The following CAMTA1 variants were observed in gnomAD, a reference collection of about 807,000 sequenced individuals.
The protein encoded by CAMTA1 is calmodulin-binding transcription activator 1.
In CAMTA1, 27 loss-of-function variants were observed where a neutral mutation model predicts 170.9. The observed-to-expected ratio is 0.16, with a 90% CI of 0.12 to 0.22. CAMTA1 has a LOEUF of 0.22. Ranked by LOEUF, CAMTA1 falls within the 10% of genes least tolerant of loss-of-function variation. The pLI is 1.00. For missense variants in CAMTA1, 1,619 were observed against 2,217.2 expected (o/e 0.73, Z 5.42); for synonymous variants, 833 against 891.5 (o/e 0.93, Z 1.17).
chr1:7,137,567 G>A (rs1014538058), intron 4 of CAMTA1, among the ~76,000 whole-genome samples: 1 of 152,168 alleles, frequency 6.6e-6, no homozygotes, highest in African/African-American at 2.4e-5. Flanking sequence ...GTCTGTACCT[G>A]TGCCAAACAA....
At position 7,755,654 on chromosome 1, in the gene CAMTA1, A is replaced by G. The variant is rs148925486; in HGVS notation, c.4975A>G (p.Arg1659Gly). Residue 1659 changes from arginine (R) to glycine (G), a missense_variant, in exon 22 of 23, where the codon AGG (arginine) becomes GGG (glycine). Physicochemically the swap from Arg to Gly is moderately radical, Grantham distance 125 (BLOSUM62 -2). This residue lies in a region of CAMTA1 where 128 missense variants were observed against 213.5 expected (regional missense o/e 0.60). Transcript: ENST00000303635. ...RCRHSPLVDHRLYKRSERIEK... is the reference protein window; with the variant it reads ...RCRHSPLVDHGLYKRSERIEK... Reference sequence around the variant, plus strand: ...TGTCTAAAGCCCCCTGGTGGACCATAGGCTGTACAAAAGGGTGAGTTTAGC... The same window carrying G: ...TGTCTAAAGCCCCCTGGTGGACCATGGGCTGTACAAAAGGGTGAGTTTAGC... 15 of 1,613,838 alleles carry G rather than the reference A, an allele frequency of 9.3e-6. No homozygotes were observed. In the African/African-American group the frequency reaches 1.6e-4, roughly 17 times the overall value.
At chr1:6,819,714 A>G (rs1469435783) in intron 1 of CAMTA1, among the ~76,000 whole-genome samples, 2 of 152,238 alleles carry the variant, frequency 1.3e-5, no homozygotes, top group African/African-American at 2.4e-5. Flanking sequence ...TTTCCCCCTG[A>G]GCCATTTGAG....
At chr1:6,816,350 G>C (rs1645811741) in intron 1 of CAMTA1, among the ~76,000 whole-genome samples, 1 of 152,166 alleles carries the variant, frequency 6.6e-6, no homozygotes, top group Non-Finnish European at 1.5e-5. Context: ...GTATCTCCAA[G>C]AGGACAGGAC....
intron 4 of CAMTA1, among the ~76,000 whole-genome samples, chr1:7,110,868 T>C (rs1404788635): frequency 2.6e-5 from 4 of 152,222 alleles, no homozygotes; most frequent in East Asian, 3.9e-4. Context: ...CTCTCCTCTA[T>C]GTAACAAACC....
intron 3 of CAMTA1, among the ~76,000 whole-genome samples, chr1:6,976,805 A>G (rs1969174): frequency 0.99 from 150,435 of 152,296 alleles, 74,316 homozygotes; most frequent in Middle Eastern, 1. Context: ...TTGAATTGTA[A>G]CTCCCATAAT....
At chr1:7,191,218 G>A (rs965011068) in intron 4 of CAMTA1, among the ~76,000 whole-genome samples, 2 of 152,336 alleles carry the variant, frequency 1.3e-5, no homozygotes, top group South Asian at 2.1e-4. Context: ...TAAATAAAGA[G>A]AATTACTGGG....
chr1:7,432,820 G>A (rs2092219826), intron 5 of CAMTA1, among the ~76,000 whole-genome samples: 2 of 152,236 alleles, frequency 1.3e-5, no homozygotes, highest in Admixed American at 1.3e-4. Flanking sequence ...TTCACCAGGA[G>A]AGGATTATTT....
At chr1:6,841,100 C>T (rs550108720) in intron 3 of CAMTA1, among the ~76,000 whole-genome samples, 18 of 152,250 alleles carry the variant, frequency 1.2e-4, no homozygotes, top group African/African-American at 4.3e-4. Flanking sequence ...GTGGCTCCCT[C>T]CTTCATCCTT....
At chr1:7,720,181 G>A (rs1366607302) in intron 11 of CAMTA1, among the ~76,000 whole-genome samples, 1 of 151,958 alleles carries the variant, frequency 6.6e-6, no homozygotes, top group Non-Finnish European at 1.5e-5. Flanking sequence ...TCTAGAAAGT[G>A]TTCCTTTTGT....
chr1:6,988,848 C>T (rs1695828826), intron 3 of CAMTA1, among the ~76,000 whole-genome samples: 1 of 152,194 alleles, frequency 6.6e-6, no homozygotes, highest in Admixed American at 6.5e-5. Context: ...CAGCATCAGC[C>T]AGTGAACAGT....
chr1:7,723,513 G>A (rs1188006534), intron 11 of CAMTA1, among the ~76,000 whole-genome samples: 4 of 152,186 alleles, frequency 2.6e-5, no homozygotes, highest in Non-Finnish European at 1.5e-5. Context: ...CCCCGTCTGC[G>A]AGGTGGAACT....
chr1:7,664,449 C>A lies in CAMTA1; in HGVS notation c.1902C>A (p.Ser634Arg). The A allele has an allele frequency of 6.2e-7, 1 of 1,613,496 alleles. No individual in the cohort carries two copies. Among genetic ancestry groups the A allele is most frequent in the Non-Finnish European group, 8.5e-7 (1 of 1,180,032 alleles). The change falls in exon 9 of 23, where the codon AGC becomes AGA. Residue 634 changes from serine (S) to arginine (R), a missense_variant. Physicochemically the swap from Ser to Arg is moderately radical, Grantham distance 110. This residue lies in a region of CAMTA1 where 731 missense variants were observed against 907.6 expected (regional missense o/e 0.81). Transcript: ENST00000303635. ...CCGTCGAGCAGAACACCCACAGCAGCCTGAGTGACTCTGGGGGCACCTTCG... is the reference window on the plus strand; with the variant it reads ...CCGTCGAGCAGAACACCCACAGCAGACTGAGTGACTCTGGGGGCACCTTCG... ...PLPVEQNTHS[S>R]LSDSGGTFVM...
intron 5 of CAMTA1, among the ~76,000 whole-genome samples, chr1:7,265,196 T>A (rs758165819): frequency 1.3e-5 from 2 of 152,204 alleles, no homozygotes; most frequent in Non-Finnish European, 2.9e-5. Flanking sequence ...ATGAGCCACA[T>A]GTGGTGGTGA....
At chr1:7,577,835 A>T (rs1337062998) in intron 6 of CAMTA1, among the ~76,000 whole-genome samples, 1 of 152,100 alleles carries the variant, frequency 6.6e-6, no homozygotes, top group Non-Finnish European at 1.5e-5. Context: ...TGTTCCAATA[A>T]AACTTTATTT....
At chr1:7,601,809 C>T (rs1476038770) in intron 6 of CAMTA1, among the ~76,000 whole-genome samples, 4 of 152,224 alleles carry the variant, frequency 2.6e-5, no homozygotes, top group Admixed American at 6.5e-5. Context: ...GGCATGGCGG[C>T]GCGCGCCTGC....
At chr1:7,428,437 TCAC>T (rs142451253) in intron 5 of CAMTA1, among the ~76,000 whole-genome samples, 20,302 of 151,674 alleles carry the variant, frequency 0.13, 3,205 homozygotes, top group African/African-American at 0.38. Flanking sequence ...CGAGGGCCGA[TCAC>T]CACATCAGGG....
At position 7,664,841 on chromosome 1, in the gene CAMTA1, T is replaced by A; in HGVS notation, c.2294T>A (p.Phe765Tyr). Residue 765 changes from phenylalanine (F) to tyrosine (Y), a missense_variant, in exon 9 of 23, where the codon TTT becomes TAT. Physicochemically the swap from Phe to Tyr is conservative, Grantham distance 22. This residue lies in a region of CAMTA1 where 731 missense variants were observed against 907.6 expected (regional missense o/e 0.81). Coordinates refer to ENST00000303635, the MANE Select transcript of CAMTA1 (RefSeq NM_015215.4). The stretch of plus-strand genomic sequence containing the variant: ...AACATGGAGCTCAGCCTGGACCACT[T>A]TGACATCTCCTTCAGCAACCAGTTC... ...ASNMELSLDH[F>Y]DISFSNQFSD... 1 of 1,613,498 alleles carries A rather than the reference T, an allele frequency of 6.2e-7. No homozygotes were observed. Among genetic ancestry groups the A allele is most frequent in the Non-Finnish European group, 8.5e-7 (1 of 1,180,024 alleles).
At position 7,757,729 on chromosome 1, in the gene CAMTA1, CTG is replaced by C. The variant is rs913431487; in HGVS notation, c.4989+2063_4989+2064del. On this transcript the variant is annotated intron_variant, in intron 22 of 22. Coordinates refer to ENST00000303635, the MANE Select transcript of CAMTA1 (RefSeq NM_015215.4). ...CCAGCCTGGGCGACAGAGCAAGACT[CTG>C]TCTCAAAAGAAAAAAAAGAGAAAAG... Among the ~76,000 whole-genome samples the C allele has an allele frequency of 2.0e-5, 3 of 151,886 alleles. No homozygotes were observed. In the East Asian group the frequency reaches 5.8e-4, roughly 29 times the overall value.
intron 3 of CAMTA1, among the ~76,000 whole-genome samples, chr1:6,881,588 G>T (rs1259333505): frequency 6.6e-6 from 1 of 152,160 alleles, no homozygotes; most frequent in East Asian, 1.9e-4. Flanking sequence ...GTGCAGCCCC[G>T]CAGGGCTTGG....
Sources: allele counts gnomAD v4.1 joint callset (sites outside exome capture counted in the v4.1 genomes callset), GRCh38; gene constraint gnomAD v4.1.1; regional missense constraint gnomAD v4.1.1; transcripts MANE v1.5; gene names NCBI Gene and HGNC (gene_info 2026-07-23, HGNC 2026-07-21).